DENND5B: variants seen among roughly 807,000 people sequenced by gnomAD.
DENND5B encodes DENN domain-containing protein 5B.
DENND5B carries 34 observed loss-of-function variants against 140.6 expected under a neutral mutation model. That is an observed-to-expected ratio of 0.24 (90% confidence interval 0.18 to 0.32). The LOEUF (loss-of-function observed/expected upper bound fraction) is 0.32. DENND5B is among the 10% of genes least tolerant of loss of function. The pLI is 1.00. For synonymous variants in DENND5B, 551 were observed against 562.1 expected (o/e 0.98, Z 0.28); for missense variants, 1,142 against 1,560.2 (o/e 0.73, Z 4.52).
At chr12:31,539,856 C>T (rs575415374) in intron 1 of DENND5B, among the ~76,000 whole-genome samples, 18 of 151,520 alleles carry the variant, frequency 1.2e-4, no homozygotes, top group Middle Eastern at 3.4e-3. Context: ...TTATTCAACA[C>T]GGTACTAGAA....
At chr12:31,441,620 TA>T (rs1944036004) in intron 7 of DENND5B, among the ~76,000 whole-genome samples, 1 of 152,060 alleles carries the variant, frequency 6.6e-6, no homozygotes, top group Admixed American at 6.6e-5. Flanking sequence ...TAGCTAGGGA[TA>T]CAGGCATGTG....
chr12:31,546,295 T>C lies in DENND5B; in HGVS notation c.127+44411A>G, dbSNP rs115093914. On this transcript the variant is annotated intron_variant, in intron 1 of 20. Transcript: ENST00000389082. Reference sequence around the variant, plus strand: ...CGTTCTATAACCATTTTCTGAACATTTCCCCAAATCTTTACCAAAACAAAG... The same window carrying C: ...CGTTCTATAACCATTTTCTGAACATCTCCCCAAATCTTTACCAAAACAAAG... 6.7e-3 allele frequency among the ~76,000 whole-genome samples: 1,024 copies of C among 152,236 alleles called. 7 individuals carry two copies. The highest frequency in any genetic ancestry group is 0.024 in the African/African-American group (988 of 41,542).
At chr12:31,454,812 CTTTTTTTTTTTTTTT>C (rs201720111) in intron 4 of DENND5B, among the ~76,000 whole-genome samples, 1 of 93,884 alleles carries the variant, frequency 1.1e-5, no homozygotes, top group Non-Finnish European at 1.9e-5. Flanking sequence ...GATTCAGTAT[CTTTTTTTTTTTTTTT>C]TTTTTTTTTG....
At chr12:31,474,062 C>T (rs1049625212) in intron 3 of DENND5B, among the ~76,000 whole-genome samples, 3 of 152,214 alleles carry the variant, frequency 2.0e-5, no homozygotes, top group African/African-American at 7.2e-5. Context: ...GATGAGAAAG[C>T]TCCCAACTTT....
chr12:31,478,227 G>A (rs1464375796), intron 3 of DENND5B, among the ~76,000 whole-genome samples: 4 of 152,012 alleles, frequency 2.6e-5, no homozygotes, highest in East Asian at 1.9e-4. Flanking sequence ...CCTTGTGAAC[G>A]GCTGTCAACA....
intron 2 of DENND5B, among the ~76,000 whole-genome samples, chr12:31,495,379 C>CTTTTTTTTCT (rs1946717428): frequency 1.6e-5 from 1 of 63,534 alleles, no homozygotes; most frequent in South Asian, 5.3e-4. Context: ...TATCACATTT[C>CTTTTTTTTCT]TTTTTTTTTC....
intron 12 of DENND5B, among the ~76,000 whole-genome samples, 168 bp downstream of exon 12, chr12:31,415,199 C>T (rs1354508308): frequency 6.6e-6 from 1 of 152,146 alleles, no homozygotes; most frequent in Non-Finnish European, 1.5e-5. Flanking sequence ...TGTCAGGAAA[C>T]ACTACAATGG....
Position 31,429,835 on chromosome 12 carries a change from T to C in DENND5B, c.2106+3320A>G, listed in dbSNP as rs527761036. 1.0e-3 allele frequency among the ~76,000 whole-genome samples: 159 copies of C among 152,140 alleles called. 1 individual carries two copies. In the Middle Eastern group the frequency reaches 0.027, roughly 26 times the overall value. ...GATTCTCCTGCCTCAGCCTCCCAAG[T>C]AGCTGGCATTATAGGCGCGTGCTAC... On this transcript the variant is annotated intron_variant, in intron 8 of 20. Coordinates refer to ENST00000389082, the MANE Select transcript of DENND5B (RefSeq NM_144973.4).
At chr12:31,397,032 T>G (rs536086977) in intron 17 of DENND5B, among the ~76,000 whole-genome samples, 1 of 152,352 alleles carries the variant, frequency 6.6e-6, no homozygotes, top group African/African-American at 2.4e-5. Flanking sequence ...TAGAATTTTA[T>G]ATTTTTGGGA....
chr12:31,562,734 C>A (rs1425967061), intron 1 of DENND5B, among the ~76,000 whole-genome samples: 4 of 151,960 alleles, frequency 2.6e-5, no homozygotes, highest in Non-Finnish European at 4.4e-5. Context: ...ATAATGAAAG[C>A]AACCAATGAC....
intron 7 of DENND5B, among the ~76,000 whole-genome samples, chr12:31,434,920 T>G (rs563804454): frequency 6.6e-6 from 1 of 152,292 alleles, no homozygotes; most frequent in East Asian, 1.9e-4. Flanking sequence ...TCTTAGCCAC[T>G]GACCCCCATC....
chr12:31,393,890 A>G (rs1407932450), intron 17 of DENND5B, among the ~76,000 whole-genome samples: 1 of 152,108 alleles, frequency 6.6e-6, no homozygotes, highest in Non-Finnish European at 1.5e-5. Flanking sequence ...GGGTTTTACC[A>G]TATTGGTCAC....
At chr12:31,552,021 T>A (rs1186432770) in intron 1 of DENND5B, among the ~76,000 whole-genome samples, 16 of 152,206 alleles carry the variant, frequency 1.1e-4, no homozygotes, top group Non-Finnish European at 2.4e-4. Flanking sequence ...CAGGGACAAT[T>A]TGACTTCCTC....
rs1194705020 is a variant in DENND5B at position 31,432,078 on chromosome 12, G to A, written c.2106+1077C>T. The stretch of plus-strand genomic sequence containing the variant: ...TCAGAGAAGGATTTTTTAGGAAGTC[G>A]TGCAGGAGGAGGTGGACCCTGGTCC... On this transcript the variant is annotated intron_variant, in intron 8 of 20. Coordinates refer to ENST00000389082, the MANE Select transcript of DENND5B (RefSeq NM_144973.4). The A allele has an allele frequency of 1.1e-5, 11 of 985,140 alleles. No homozygotes were observed. The South Asian group carries it at 3.3e-4, about 29-fold the overall frequency. The allele number at this position is 985,140 out of a possible 1,614,324, so 61.0% of individuals were successfully genotyped here.
chr12:31,441,911 G>A (rs1944052810), intron 7 of DENND5B, among the ~76,000 whole-genome samples: 1 of 151,910 alleles, frequency 6.6e-6, no homozygotes, highest in Non-Finnish European at 1.5e-5. Context: ...CTGAACTCCT[G>A]GGCTCAAGCT....
intron 14 of DENND5B, 90 bp from the exon 15 acceptor site, chr12:31,402,733 T>A (rs78851740): frequency 7.0e-7 from 1 of 1,433,540 alleles, no homozygotes; most frequent in Non-Finnish European, 9.3e-7. Flanking sequence ...TTGGTTTTCA[T>A]TGATAATTTG....
At chr12:31,572,483 C>A (rs1226709165) in intron 1 of DENND5B, among the ~76,000 whole-genome samples, 3 of 134,342 alleles carry the variant, frequency 2.2e-5, no homozygotes, top group Non-Finnish European at 3.2e-5. Flanking sequence ...AAAACAATAA[C>A]AAAATAAATA....
chr12:31,489,362 CA>C (rs1009207384), intron 2 of DENND5B, among the ~76,000 whole-genome samples: 7 of 148,450 alleles, frequency 4.7e-5, no homozygotes, highest in African/African-American at 9.9e-5. Flanking sequence ...ACTCAAAAGA[CA>C]AAGATAAAAA....
chr12:31,583,227 G>C (rs1950266556), intron 1 of DENND5B, among the ~76,000 whole-genome samples: 1 of 151,772 alleles, frequency 6.6e-6, no homozygotes, highest in African/African-American at 2.4e-5. Flanking sequence ...GGGAGGCGGA[G>C]ATTGCAGTGA....
Sources: allele counts gnomAD v4.1 joint callset (sites outside exome capture counted in the v4.1 genomes callset), GRCh38; gene constraint gnomAD v4.1.1; transcripts MANE v1.5; gene names NCBI Gene and HGNC (gene_info 2026-07-23, HGNC 2026-07-21).